EFCAB6: variants seen among roughly 807,000 people sequenced by gnomAD.
EFCAB6 encodes the protein EF-hand calcium-binding domain-containing protein 6.
In EFCAB6, 156 loss-of-function variants were observed where a neutral mutation model predicts 169.8. That is an observed-to-expected ratio of 0.92 (90% CI 0.81 to 1.05). The LOEUF is 1.05. Among genes scored for constraint, EFCAB6 ranks in the 50% least tolerant of loss-of-function variants. EFCAB6 has a pLI of 0.00. For missense variants in EFCAB6, 1,800 were observed against 1,829.1 expected (o/e 0.98, Z 0.29); for synonymous variants, 698 against 676.4 (o/e 1.03, Z -0.50).
intron 18 of EFCAB6, among the ~76,000 whole-genome samples, chr22:43,633,117 C>A (rs1440784393): frequency 1.3e-5 from 2 of 152,190 alleles, no homozygotes; most frequent in African/African-American, 2.4e-5. Flanking sequence ...GCTCAGGGGT[C>A]CCCGGCTCGC....
At chr22:43,617,528 T>C (rs1468420269) in intron 20 of EFCAB6, among the ~76,000 whole-genome samples, 1 of 152,230 alleles carries the variant, frequency 6.6e-6, no homozygotes, top group East Asian at 1.9e-4. Context: ...TTTCCATCCA[T>C]TTTCCCCTTC....
At chr22:43,542,858 A>T (rs2047823065) in intron 27 of EFCAB6, among the ~76,000 whole-genome samples, 1 of 152,164 alleles carries the variant, frequency 6.6e-6, no homozygotes, top group Admixed American at 6.5e-5. Context: ...GCTTGACATG[A>T]AACGTGGGCA....
intron 2 of EFCAB6, among the ~76,000 whole-genome samples, chr22:43,784,547 A>ATATG (rs1204100633): frequency 1.2e-5 from 1 of 81,092 alleles, no homozygotes; most frequent in Non-Finnish European, 2.4e-5. Flanking sequence ...GTGTGTGTAT[A>ATATG]TGTATATATA....
In EFCAB6 at chr22:43,576,318, G is replaced by A. The variant is rs1204709460; in HGVS notation, c.3399C>T (p.Asn1133=). Reference sequence around the variant, plus strand: ...TTACCTCCTCAAGGAAACAGCTAAAGTTCTGGAGAAAATATTTCCAATTTA... The same window carrying A: ...TTACCTCCTCAAGGAAACAGCTAAAATTCTGGAGAAAATATTTCCAATTTA... ...PYINWKYFLQ[N]FSCFLEETAD... is the part of the protein sequence containing the mutation. The change falls in exon 26 of 32, where the codon AAC becomes AAT. Residue 1133 remains asparagine (N), a synonymous_variant. Coordinates refer to ENST00000262726, the MANE Select transcript of EFCAB6 (RefSeq NM_022785.4). 1.3e-6 allele frequency: 2 copies of A among 1,591,836 alleles called. No homozygotes were observed. The highest frequency in any genetic ancestry group is 1.7e-6 in the Non-Finnish European group (2 of 1,174,494).
At chr22:43,603,052 T>C (rs989458020) in intron 22 of EFCAB6, among the ~76,000 whole-genome samples, 1 of 152,104 alleles carries the variant, frequency 6.6e-6, no homozygotes, top group Non-Finnish European at 1.5e-5. Flanking sequence ...CATTCATGGC[T>C]GTTGGGCTAA....
chr22:43,682,735 A>T (rs1195068277), intron 12 of EFCAB6, among the ~76,000 whole-genome samples: 1 of 152,180 alleles, frequency 6.6e-6, no homozygotes, highest in Non-Finnish European at 1.5e-5. Flanking sequence ...TGTCAAGAGG[A>T]TTTAGTGAGT....
At chr22:43,600,642 A>G (rs1041483383) in intron 22 of EFCAB6, among the ~76,000 whole-genome samples, 2 of 121,742 alleles carry the variant, frequency 1.6e-5, no homozygotes, top group Non-Finnish European at 3.5e-5. Context: ...CCATACGTTT[A>G]GCAGGGTTTT....
intron 17 of EFCAB6, 101 bp from the exon 18 acceptor site, chr22:43,635,317 A>C: frequency 1.2e-6 from 1 of 863,832 alleles, no homozygotes; most frequent in Non-Finnish European, 1.9e-6. Flanking sequence ...AGCAGGGCTC[A>C]TGATTGTTAT....
rs375175064 is a variant in EFCAB6, at chr22:43,579,859, C to A, written c.3228+605G>T. Among the ~76,000 whole-genome samples the A allele has an allele frequency of 4.0e-5, 6 of 151,604 alleles. No homozygotes were observed. In the East Asian group the frequency reaches 1.2e-3, roughly 30 times the overall value. ...CATTCTCTATATGCAGGCATTATTC[C>A]CTACACTCAGGCATCATTCCCTACA... On this transcript the variant is annotated intron_variant, in intron 25 of 31. Coordinates refer to ENST00000262726, the MANE Select transcript of EFCAB6 (RefSeq NM_022785.4).
rs370035617 is a variant in EFCAB6, at chr22:43,576,319, T to C, written c.3398A>G (p.Asn1133Ser). ...TACCTCCTCAAGGAAACAGCTAAAG[T>C]TCTGGAGAAAATATTTCCAATTTAT... ...PYINWKYFLQNFSCFLEETAD... is the reference protein window; with the variant it reads ...PYINWKYFLQSFSCFLEETAD... The change falls in exon 26 of 32, where the codon AAC (asparagine) becomes AGC (serine). Residue 1133 changes from asparagine (N) to serine (S), a missense_variant. Transcript: ENST00000262726. The C allele has an allele frequency of 6.3e-7, 1 of 1,592,218 alleles. No individual in the cohort carries two copies. Among genetic ancestry groups the C allele is most frequent in the Non-Finnish European group, 8.5e-7 (1 of 1,174,556 alleles).
intron 17 of EFCAB6, among the ~76,000 whole-genome samples, chr22:43,654,714 G>A (rs929498172): frequency 2.6e-5 from 4 of 152,168 alleles, no homozygotes; most frequent in African/African-American, 4.8e-5. Context: ...TGATACCCTA[G>A]ATACGATCCT....
At chr22:43,689,378 C>CAG (rs1556092596) in intron 10 of EFCAB6, among the ~76,000 whole-genome samples, 1 of 151,882 alleles carries the variant, frequency 6.6e-6, no homozygotes, top group Non-Finnish European at 1.5e-5. Context: ...CACACACACA[C>CAG]AGCAGCATCT....
intron 6 of EFCAB6, among the ~76,000 whole-genome samples, chr22:43,741,964 G>A (rs567525353): frequency 1.3e-5 from 2 of 152,122 alleles, no homozygotes; most frequent in South Asian, 4.2e-4. Flanking sequence ...AGTACTCAGA[G>A]AGCCAAATCC....
At chr22:43,671,268 C>G (rs1284056910) in intron 15 of EFCAB6, among the ~76,000 whole-genome samples, 1 of 152,122 alleles carries the variant, frequency 6.6e-6, no homozygotes, top group Non-Finnish European at 1.5e-5. Flanking sequence ...ATGGGGCAAT[C>G]TCGGCTCACT....
chr22:43,810,151 T>C lies in EFCAB6; in HGVS notation c.-144-1020A>G, dbSNP rs533293414. On this transcript the variant is annotated intron_variant, in intron 1 of 31. Transcript: ENST00000262726. ...GCCTCAGCCTCCCAAAGTGGTAGGA[T>C]TACAGGCATAAGCCACCACACCCAA... 4.6e-5 allele frequency among the ~76,000 whole-genome samples: 7 copies of C among 152,284 alleles called. No individual in the cohort carries two copies. In the South Asian group the frequency reaches 1.0e-3, roughly 23 times the overall value.
chr22:43,664,670 A>G (rs2057162948), intron 17 of EFCAB6, among the ~76,000 whole-genome samples: 1 of 152,236 alleles, frequency 6.6e-6, no homozygotes, highest in Non-Finnish European at 1.5e-5. Context: ...GGGCATGGCC[A>G]GTGCCAAGGA....
At chr22:43,786,388 G>A (rs148344144) in intron 2 of EFCAB6, among the ~76,000 whole-genome samples, 24 of 152,006 alleles carry the variant, frequency 1.6e-4, no homozygotes, top group African/African-American at 5.5e-4. Context: ...ATCCTATGAC[G>A]CCAGTATTAC....
chr22:43,787,989 C>T (rs1290623517), intron 2 of EFCAB6, among the ~76,000 whole-genome samples: 2 of 152,126 alleles, frequency 1.3e-5, no homozygotes, highest in African/African-American at 2.4e-5. Flanking sequence ...GGTACCAAGA[C>T]CATTCAATGG....
chr22:43,570,035 G>A (rs772286673), intron 26 of EFCAB6: 8 of 152,086 alleles, frequency 5.3e-5, no homozygotes, highest in African/African-American at 9.7e-5. Flanking sequence ...TGTTGGCAGC[G>A]AATATAAATA....
Sources: gnomAD v4.1 joint callset for allele counts (sites outside exome capture counted in the v4.1 genomes callset) on GRCh38, gnomAD v4.1.1 for gene constraint, MANE v1.5 for transcripts, NCBI Gene and HGNC (gene_info 2026-07-23, HGNC 2026-07-21) for gene names.